KAZN: variants seen among roughly 807,000 people sequenced by gnomAD.
The protein encoded by KAZN is kazrin.
A neutral mutation model predicts 87.4 loss-of-function variants in KAZN; 40 were observed. The observed-to-expected ratio is 0.46, with a 90% CI of 0.36 to 0.60. The LOEUF (loss-of-function observed/expected upper bound fraction) is 0.60, where lower values mean the gene tolerates loss of function less well. Ranked by LOEUF, KAZN falls within the 20% of genes least tolerant of loss-of-function variation. The pLI is 0.00. For synonymous variants in KAZN, 466 were observed against 458.3 expected (o/e 1.02, Z -0.22); for missense variants, 898 against 1,073.9 (o/e 0.84, Z 2.29).
At position 14,056,987 on chromosome 1, in the gene KAZN, T is replaced by C. The variant is rs573557013; in HGVS notation, c.92-123448T>C. 2.8e-5 allele frequency among the ~76,000 whole-genome samples: 4 copies of C among 144,900 alleles called. No individual in the cohort carries two copies. In the Admixed American group the frequency reaches 2.8e-4, roughly 10 times the overall value. ...TGAGCCCAGGAGGCAGAGGTTGCAG[T>C]GAGCTGTGATCACACCACTGTACTC... On this transcript the variant is annotated intron_variant, in intron 1 of 16. Transcript: ENST00000636203.
intron 1 of KAZN, among the ~76,000 whole-genome samples, chr1:13,943,479 A>G (rs1053945174): frequency 3.9e-5 from 6 of 152,122 alleles, no homozygotes; most frequent in African/African-American, 1.4e-4. Flanking sequence ...ATAACCACCT[A>G]GAATTTCATA....
At chr1:14,670,633 A>C (rs759643593) in intron 1 of KAZN, among the ~76,000 whole-genome samples, 3 of 152,184 alleles carry the variant, frequency 2.0e-5, no homozygotes, top group Admixed American at 6.5e-5. Context: ...AGGCCTTCCA[A>C]ATGAGCCCGA....
chr1:14,122,765 T>C (rs1278847730), intron 1 of KAZN, among the ~76,000 whole-genome samples: 1 of 152,256 alleles, frequency 6.6e-6, no homozygotes, highest in Non-Finnish European at 1.5e-5. Flanking sequence ...GTAAATACAT[T>C]CTTTCCATTT....
intron 2 of KAZN, among the ~76,000 whole-genome samples, chr1:14,457,632 GA>G (rs1413511556): frequency 6.6e-6 from 1 of 151,706 alleles, no homozygotes; most frequent in African/African-American, 2.4e-5. Context: ...CAAGTTCTTG[GA>G]AAAAAATCAA....
At chr1:14,014,186 T>A (rs1640456934) in intron 1 of KAZN, among the ~76,000 whole-genome samples, 1 of 152,132 alleles carries the variant, frequency 6.6e-6, no homozygotes, top group Non-Finnish European at 1.5e-5. Flanking sequence ...GGAGGAAGGC[T>A]TGGTGCCATG....
chr1:14,487,540 T>C (rs1289899958), intron 2 of KAZN, among the ~76,000 whole-genome samples: 10 of 152,118 alleles, frequency 6.6e-5, no homozygotes, highest in Admixed American at 5.9e-4. Context: ...AGAGGAGAGA[T>C]GAAGAAATTA....
intron 2 of KAZN, among the ~76,000 whole-genome samples, chr1:15,022,542 G>A (rs1670785660): frequency 1.3e-5 from 2 of 152,144 alleles, no homozygotes; most frequent in African/African-American, 4.8e-5. Flanking sequence ...CCATGGATGG[G>A]CCCAAGTCTC....
intron 2 of KAZN, among the ~76,000 whole-genome samples, chr1:14,213,593 G>A (rs1440003623): frequency 1.3e-5 from 2 of 152,326 alleles, no homozygotes; most frequent in East Asian, 3.9e-4. Context: ...GAGAGAAGTA[G>A]AGGTTAGTTG....
intron 2 of KAZN, among the ~76,000 whole-genome samples, chr1:14,978,257 C>T (rs1338287165): frequency 6.6e-6 from 1 of 152,208 alleles, no homozygotes. Flanking sequence ...TGAGCAACTT[C>T]AGCCCAGCCT....
In KAZN at chr1:14,441,378, A is replaced by AGCG. The variant is rs1317197656; in HGVS notation, c.250-157603_250-157602insGGC. On this transcript the variant is annotated intron_variant, in intron 2 of 16. Transcript: ENST00000636203. The stretch of plus-strand genomic sequence containing the variant: ...TGTTCCGGGCAGCAGCGGCAGCGGC[A>AGCG]GCAGCAGCAGCAGCAGCACCTGGGA... Among the ~76,000 whole-genome samples, 188 of 151,850 alleles carry AGCG rather than the reference A, an allele frequency of 1.2e-3. 1 individual carries two copies. Among genetic ancestry groups the AGCG allele is most frequent in the African/African-American group, 4.4e-3 (180 of 41,360 alleles).
intron 2 of KAZN, among the ~76,000 whole-genome samples, chr1:14,395,577 G>A (rs1662826943): frequency 6.6e-6 from 1 of 152,092 alleles, no homozygotes; most frequent in African/African-American, 2.4e-5. Flanking sequence ...GCAAAAGGCA[G>A]GCAGGGGACT....
intron 2 of KAZN, among the ~76,000 whole-genome samples, chr1:14,539,806 C>A (rs561636398): frequency 1.7e-4 from 26 of 152,136 alleles, no homozygotes; most frequent in African/African-American, 5.1e-4. Context: ...CCATCAGAAC[C>A]TAAATTTTGT....
At chr1:14,889,725 T>C (rs1258221578) in intron 1 of KAZN, among the ~76,000 whole-genome samples, 2 of 152,212 alleles carry the variant, frequency 1.3e-5, no homozygotes, top group Non-Finnish European at 2.9e-5. Context: ...TTTTAAATGG[T>C]TGAAAAAAAT....
intron 2 of KAZN, among the ~76,000 whole-genome samples, chr1:15,005,661 GCTTATAAT>G (rs888308790): frequency 6.6e-6 from 1 of 151,818 alleles, no homozygotes; most frequent in Non-Finnish European, 1.5e-5. Context: ...AGTGGCACAC[GCTTATAAT>G]CTGAGCTACT....
chr1:14,868,207 G>A (rs750314726), intron 1 of KAZN, among the ~76,000 whole-genome samples: 14 of 152,136 alleles, frequency 9.2e-5, no homozygotes, highest in African/African-American at 1.7e-4. Context: ...CATCACATAC[G>A]CAGGCATCGC....
At chr1:15,103,557 TATGCAGATCTC>T (rs1641172204) in intron 12 of KAZN, 97 bp downstream of exon 12, 3 of 804,814 alleles carry the variant, frequency 3.7e-6, no homozygotes, top group African/African-American at 3.4e-5. Flanking sequence ...TGCAAATCAA[TATGCAGATCTC>T]ATGCAAATCA....
intron 2 of KAZN, among the ~76,000 whole-genome samples, chr1:14,229,858 G>T (rs539817191): frequency 1.3e-5 from 2 of 152,374 alleles, no homozygotes; most frequent in South Asian, 4.1e-4. Flanking sequence ...GGATGCAGAA[G>T]GAGCCCTGTG....
At chr1:14,990,268 G>T (rs1025799745) in intron 2 of KAZN, among the ~76,000 whole-genome samples, 2 of 152,172 alleles carry the variant, frequency 1.3e-5, no homozygotes, top group African/African-American at 2.4e-5. Context: ...TGTCACCCAA[G>T]CTGGAGTGCA....
At position 14,708,939 on chromosome 1, in the gene KAZN, A is replaced by G. The variant is rs563152764; in HGVS notation, c.226+109716A>G. 4.8e-4 allele frequency among the ~76,000 whole-genome samples: 73 copies of G among 152,330 alleles called. 1 individual carries two copies. In the South Asian group the frequency reaches 0.014, roughly 30 times the overall value. On this transcript the variant is annotated intron_variant, in intron 1 of 14. Transcript: ENST00000376030. ...AAGTCCATGAGTGGTCTCAATGACC[A>G]GGACTGTGTTTTATTTCCTCCTTTC... is the stretch of plus-strand genomic sequence containing the variant.
Sources: allele counts gnomAD v4.1 joint callset (sites outside exome capture counted in the v4.1 genomes callset), GRCh38; gene constraint gnomAD v4.1.1; transcripts MANE v1.5; gene names NCBI Gene and HGNC (gene_info 2026-07-23, HGNC 2026-07-21).